PLCB1: variants seen among roughly 807,000 people sequenced by gnomAD.
PLCB1 encodes the protein phospholipase C beta 1.
In PLCB1, 46 loss-of-function variants were observed where a neutral mutation model predicts 161.8. The observed-to-expected ratio is 0.28, with a 90% CI of 0.22 to 0.36. PLCB1 has a LOEUF of 0.36. Among genes scored for constraint, PLCB1 ranks in the 10% least tolerant of loss-of-function variants. The probability of loss-of-function intolerance (pLI) is 1.00; values close to 1 mark genes in which losing one functional copy is unlikely to be tolerated. For missense variants in PLCB1, 1,016 were observed against 1,472.5 expected (o/e 0.69, Z 5.07); for synonymous variants, 517 against 503.7 (o/e 1.03, Z -0.35).
chr20:8,244,414 A>G (rs545677975), intron 2 of PLCB1, among the ~76,000 whole-genome samples: 3 of 152,122 alleles, frequency 2.0e-5, no homozygotes, highest in East Asian at 1.9e-4. Flanking sequence ...AAAAGAATGA[A>G]CTATTAATCC....
chr20:8,193,254 A>G (rs2051988476), intron 2 of PLCB1, among the ~76,000 whole-genome samples: 1 of 152,024 alleles, frequency 6.6e-6, no homozygotes, highest in African/African-American at 2.4e-5. Context: ...CTTTGCCCTG[A>G]AAGTCCAGCT....
intron 2 of PLCB1, among the ~76,000 whole-genome samples, chr20:8,238,143 T>C (rs886140572): frequency 1.3e-5 from 2 of 152,072 alleles, no homozygotes; most frequent in Admixed American, 6.6e-5. Context: ...ATTTGTACTC[T>C]TAAACTTCCT....
rs556748193 is a variant in PLCB1, at chr20:8,611,002, A to T, written c.247-17292A>T. Among the ~76,000 whole-genome samples the T allele has an allele frequency of 5.3e-5, 8 of 152,186 alleles. No homozygotes were observed. In the East Asian group the frequency reaches 1.5e-3, roughly 29 times the overall value. ...AAGAAAAATCTTAAATAAATGGTAA[A>T]CTATAAATATCTAAGAAATGTATCT... is the stretch of plus-strand genomic sequence containing the variant. On this transcript the variant is annotated intron_variant, in intron 3 of 31. Coordinates refer to ENST00000338037, the MANE Select transcript of PLCB1 (RefSeq NM_015192.4).
chr20:8,438,903 C>A (rs1310630874), intron 3 of PLCB1, among the ~76,000 whole-genome samples: 2 of 152,194 alleles, frequency 1.3e-5, no homozygotes, highest in Non-Finnish European at 2.9e-5. Context: ...TGAGATGGAG[C>A]ATGACTGGCC....
At chr20:8,519,487 AC>A (rs1984264634) in intron 3 of PLCB1, among the ~76,000 whole-genome samples, 1 of 152,158 alleles carries the variant, frequency 6.6e-6, no homozygotes, top group Admixed American at 6.5e-5. Flanking sequence ...ATCTCCCAGA[AC>A]AAAGCCCTCT....
chr20:8,577,157 C>T (rs559222257), intron 3 of PLCB1, among the ~76,000 whole-genome samples: 1 of 152,024 alleles, frequency 6.6e-6, no homozygotes, highest in Admixed American at 6.5e-5. Flanking sequence ...AGGCCGGATG[C>T]GGTGGCCCAA....
At chr20:8,437,223 C>T (rs1185418959) in intron 3 of PLCB1, among the ~76,000 whole-genome samples, 2 of 152,182 alleles carry the variant, frequency 1.3e-5, no homozygotes, top group Admixed American at 6.5e-5. Flanking sequence ...TGGATAAAAA[C>T]GTTCCATTAC....
intron 7 of PLCB1, chr20:8,651,574 G>A: frequency 1.4e-6 from 1 of 707,594 alleles, no homozygotes. Flanking sequence ...AACAATTAAG[G>A]TCCTGTCCCC....
intron 2 of PLCB1, among the ~76,000 whole-genome samples, chr20:8,256,028 A>G (rs1981391583): frequency 6.6e-6 from 1 of 152,124 alleles, no homozygotes; most frequent in African/African-American, 2.4e-5. Context: ...GCAATGGGCT[A>G]TACCATATAG....
intron 3 of PLCB1, among the ~76,000 whole-genome samples, chr20:8,483,689 C>T (rs890655548): frequency 2.6e-5 from 4 of 151,898 alleles, no homozygotes; most frequent in African/African-American, 9.7e-5. Context: ...TAATTCTGGC[C>T]ACATATATAA....
At chr20:8,784,914 A>T (rs1983412291) in intron 27 of PLCB1, among the ~76,000 whole-genome samples, 1 of 152,330 alleles carries the variant, frequency 6.6e-6, no homozygotes, top group Non-Finnish European at 1.5e-5. Context: ...GGTCGGGTCC[A>T]GTGTAGTTTT....
At chr20:8,439,317 T>C (rs1042962401) in intron 3 of PLCB1, among the ~76,000 whole-genome samples, 4 of 152,208 alleles carry the variant, frequency 2.6e-5, no homozygotes, top group African/African-American at 9.6e-5. Context: ...GACTCAGGAA[T>C]ATACTCTTTA....
chr20:8,660,664 T>C lies in PLCB1; in HGVS notation c.862+1960T>C, dbSNP rs550284317. 3.9e-4 allele frequency among the ~76,000 whole-genome samples: 59 copies of C among 152,292 alleles called. 1 individual carries two copies. The highest frequency in any genetic ancestry group is 1.3e-3 in the African/African-American group (54 of 41,564). Reference sequence around the variant, plus strand: ...ATCCTAGAAAAACTGATTTTGATTCTAATGGAAATTAAGATGATGTCTCCT... The same window carrying C: ...ATCCTAGAAAAACTGATTTTGATTCCAATGGAAATTAAGATGATGTCTCCT... On this transcript the variant is annotated intron_variant, in intron 9 of 31. Coordinates refer to ENST00000338037, the MANE Select transcript of PLCB1 (RefSeq NM_015192.4).
At chr20:8,677,541 G>A (rs1378625167) in intron 9 of PLCB1, among the ~76,000 whole-genome samples, 2 of 152,044 alleles carry the variant, frequency 1.3e-5, no homozygotes, top group Admixed American at 6.5e-5. Context: ...CCCAGCATAG[G>A]GGATAGATAA....
intron 3 of PLCB1, among the ~76,000 whole-genome samples, chr20:8,573,047 G>A (rs994892013): frequency 1.4e-4 from 22 of 152,236 alleles, no homozygotes; most frequent in Admixed American, 7.2e-4. Context: ...ACAAAATGCC[G>A]TGGACCTGAA....
chr20:8,149,044 G>A (rs959798498), intron 1 of PLCB1, among the ~76,000 whole-genome samples: 5 of 152,074 alleles, frequency 3.3e-5, no homozygotes. Flanking sequence ...CCACTGAAAG[G>A]CATATTAGAA....
At chr20:8,496,895 G>A (rs1983201057) in intron 3 of PLCB1, among the ~76,000 whole-genome samples, 1 of 152,040 alleles carries the variant, frequency 6.6e-6, no homozygotes, top group South Asian at 2.1e-4. Context: ...TGAAGGTCAG[G>A]CAAGAGATAA....
At chr20:8,351,666 A>G (rs1435150246) in intron 2 of PLCB1, among the ~76,000 whole-genome samples, 1 of 152,086 alleles carries the variant, frequency 6.6e-6, no homozygotes, top group Admixed American at 6.6e-5. Context: ...ATGTAAATTA[A>G]TATTTGGCAA....
intron 31 of PLCB1, chr20:8,792,576 A>G (rs1255230824): frequency 2.1e-6 from 1 of 471,020 alleles, no homozygotes; most frequent in Non-Finnish European, 4.4e-6. Flanking sequence ...TGCGTTTTTT[A>G]TTGTAAATAG....
Sources: allele counts gnomAD v4.1 joint callset (sites outside exome capture counted in the v4.1 genomes callset), GRCh38; gene constraint gnomAD v4.1.1; transcripts MANE v1.5; gene names NCBI Gene and HGNC (gene_info 2026-07-23, HGNC 2026-07-21).